Variants in PDXDC1 observed in about 807,000 individuals in gnomAD.
The protein encoded by PDXDC1 is pyridoxal dependent decarboxylase domain containing 1.
PDXDC1 carries 42 observed loss-of-function variants against 100.1 expected under a neutral mutation model. The observed-to-expected ratio is 0.42, with a 90% CI of 0.33 to 0.54. PDXDC1 has a LOEUF of 0.54. Among genes scored for constraint, PDXDC1 ranks in the 20% least tolerant of loss-of-function variants. The pLI is 0.10. For missense variants in PDXDC1, 636 were observed against 979.2 expected (o/e 0.65, Z 4.68); for synonymous variants, 260 against 371.7 (o/e 0.70, Z 3.46).
At chr16:15,005,242 C>T (rs1217555535) in intron 5 of PDXDC1, among the ~76,000 whole-genome samples, 7 of 152,020 alleles carry the variant, frequency 4.6e-5, no homozygotes, top group Non-Finnish European at 8.8e-5. Context: ...ACCTGTAGTC[C>T]CAGCTCCTCT....
In PDXDC1 at chr16:15,037,900, T is replaced by C. The variant is rs2043587875; in HGVS notation, c.*1625T>C. On this transcript the variant is annotated 3_prime_UTR_variant, in exon 23 of 23. Transcript: ENST00000396410. ...TATTTTGAAAGTCATTTGATGAAAG[T>C]CATTTGAAAGACACTGAGGAGGGAA... 5.1e-6 allele frequency: 3 copies of C among 584,948 alleles called. No individual in the cohort carries two copies. Among genetic ancestry groups the C allele is most frequent in the African/African-American group, 1.9e-5 (1 of 53,710 alleles). 36.2% of individuals were successfully genotyped at this position (584,948 alleles called of 1,614,324 possible).
At position 15,065,113 on chromosome 16, in the gene PDXDC1, C is replaced by A. The variant is rs569414087; in HGVS notation, c.1399+35057C>A. The A allele has an allele frequency of 2.7e-5, 32 of 1,178,886 alleles. 2 individuals are homozygous for A. In the South Asian group the frequency reaches 4.6e-4, roughly 17 times the overall value. 73.0% of individuals were successfully genotyped at this position (1,178,886 alleles called of 1,614,324 possible). Reference sequence around the variant, plus strand: ...CCCGGGAGGCGGAGCTTGCGGTAAGCCGAGATCACACCACCGCACTCCAGC... The same window carrying A: ...CCCGGGAGGCGGAGCTTGCGGTAAGACGAGATCACACCACCGCACTCCAGC... On this transcript the variant is annotated intron_variant, in intron 16 of 16. Coordinates refer to the PDXDC1 transcript ENST00000535621.
chr16:15,089,786 C>CAAAAAAAAGAAAAAAA, intron 16 of PDXDC1, among the ~76,000 whole-genome samples: 1 of 66,574 alleles, frequency 1.5e-5, no homozygotes, highest in Non-Finnish European at 2.5e-5. Flanking sequence ...GGCGACAGAG[C>CAAAAAAAAGAAAAAAA]AAAAAAAAAA....
intron 16 of PDXDC1, among the ~76,000 whole-genome samples, chr16:15,052,434 GA>G (rs2044330780): frequency 6.6e-6 from 1 of 152,194 alleles, no homozygotes; most frequent in Non-Finnish European, 1.5e-5. Flanking sequence ...TGACCTGGGG[GA>G]TGATCATGTG....
chr16:15,144,489 A>T, the PDXDC1 span, among the ~76,000 whole-genome samples: 1 of 151,964 alleles, frequency 6.6e-6, no homozygotes, highest in Admixed American at 6.5e-5. Context: ...TGGCCCCACG[A>T]GGGGTGGGGG....
chr16:15,015,288 G>T (rs2041704225), intron 8 of PDXDC1, among the ~76,000 whole-genome samples: 1 of 152,284 alleles, frequency 6.6e-6, no homozygotes, highest in Non-Finnish European at 1.5e-5. Context: ...AAATAATCCA[G>T]GAAGTGACAA....
At chr16:14,983,524 G>A (rs1177601255) in intron 1 of PDXDC1, among the ~76,000 whole-genome samples, 1 of 124,190 alleles carries the variant, frequency 8.1e-6, no homozygotes, top group Non-Finnish European at 1.6e-5. Context: ...AGTGAGCCGA[G>A]ATCATGCCAC....
At chr16:15,126,634 G>GC (rs1454773963) in intron 16 of PDXDC1, 1 of 143,706 alleles carries the variant, frequency 7.0e-6, no homozygotes, top group Non-Finnish European at 1.5e-5. Context: ...AAGGCTCTGA[G>GC]CCTGAGCTTT....
chr16:15,009,785 C>G (rs2041102233), intron 8 of PDXDC1, 26 bp downstream of exon 8: 1 of 1,613,538 alleles, frequency 6.2e-7, no homozygotes, highest in African/African-American at 1.3e-5. Flanking sequence ...CTGAATCTAC[C>G]ATTTTGAATA....
At chr16:15,122,745 G>A (rs1228291814) in intron 16 of PDXDC1, among the ~76,000 whole-genome samples, 1 of 148,080 alleles carries the variant, frequency 6.8e-6, no homozygotes, top group African/African-American at 2.5e-5. Flanking sequence ...GCCCGGAGGT[G>A]GCCAGGACAG....
chr16:15,135,814 C>A, intron 16 of PDXDC1: 7 of 1,500,116 alleles, frequency 4.7e-6, no homozygotes, highest in Admixed American at 1.7e-5. Flanking sequence ...CAGGGGCCAC[C>A]GTCACATTGG....
chr16:15,023,322 T>C (rs1437898432), intron 13 of PDXDC1, among the ~76,000 whole-genome samples: 1 of 152,284 alleles, frequency 6.6e-6, no homozygotes, highest in African/African-American at 2.4e-5. Context: ...TTGAAAGTTT[T>C]TGTGTTTTGC....
Position 15,037,668 on chromosome 16 carries a change from A to AAAG in PDXDC1, c.*1394_*1396dup, listed in dbSNP as rs1378811161. 1 of 172,514 alleles carries AAAG rather than the reference A, an allele frequency of 5.8e-6. No homozygotes were observed. Among genetic ancestry groups the AAAG allele is most frequent in the African/African-American group, 2.4e-5 (1 of 42,288 alleles). 10.7% of individuals were successfully genotyped at this position (172,514 alleles called of 1,614,324 possible). On this transcript the variant is annotated 3_prime_UTR_variant, in exon 23 of 23. Transcript: ENST00000396410. ...ATATTATTTGAATGTTGGTTTCAAT[A>AAAG]AAGGTTCTTGAAATTGTTACCAGTG...
At chr16:15,141,220 G>A (rs533988007), downstream of PDXDC1, among the ~76,000 whole-genome samples, 56 of 152,348 alleles carry the variant, frequency 3.7e-4, no homozygotes, top group Non-Finnish European at 5.1e-4. Flanking sequence ...CAGCCTACCC[G>A]GCGCAGGAGA....
At chr16:15,128,858 T>C (rs1384092177) in intron 16 of PDXDC1, among the ~76,000 whole-genome samples, 3 of 147,836 alleles carry the variant, frequency 2.0e-5, no homozygotes, top group Non-Finnish European at 4.5e-5. Context: ...CAGGCTGGAG[T>C]GCAGTGGCGC....
At chr16:15,025,942 A>T (rs185670720) in intron 13 of PDXDC1, 1 of 152,492 alleles carries the variant, frequency 6.6e-6, no homozygotes, top group Admixed American at 6.5e-5. Context: ...TAATGAAGTT[A>T]GTCGTCTTCG....
intron 22 of PDXDC1, 35 bp downstream of exon 22, chr16:15,035,588 G>A: frequency 2.3e-6 from 3 of 1,330,200 alleles, no homozygotes; most frequent in South Asian, 2.5e-5. Context: ...TCAGGTAACA[G>A]GTTTCCCCTG....
At chr16:15,047,369 G>C in intron 16 of PDXDC1, 1 of 988,118 alleles carries the variant, frequency 1.0e-6, no homozygotes, top group Non-Finnish European at 1.6e-6. Context: ...TCCCCTAACA[G>C]CTTCCACAGC....
intron 16 of PDXDC1, chr16:15,044,219 G>A (rs983965197): frequency 1.2e-5 from 8 of 691,134 alleles, no homozygotes; most frequent in African/African-American, 1.8e-5. Flanking sequence ...TCTCTGTGCT[G>A]CTCCAAGTGG....
Sources: gnomAD v4.1 joint callset for allele counts (sites outside exome capture counted in the v4.1 genomes callset) on GRCh38, gnomAD v4.1.1 for gene constraint, MANE v1.5 for transcripts, NCBI Gene and HGNC (gene_info 2026-07-23, HGNC 2026-07-21) for gene names.